The following MAPT variants were observed in gnomAD, a reference collection of about 807,000 sequenced individuals.
MAPT encodes microtubule associated protein tau.
In MAPT, 34 loss-of-function variants were observed where a neutral mutation model predicts 67.9. That is an observed-to-expected ratio of 0.50 (90% CI 0.38 to 0.67). MAPT has a LOEUF of 0.67. Ranked by LOEUF, MAPT falls within the 30% of genes least tolerant of loss-of-function variation. MAPT has a pLI of 0.00. For synonymous variants in MAPT, 456 were observed against 464.5 expected, an observed-to-expected ratio of 0.98 and a Z score of 0.23; for missense variants, 881 against 1,115.2, an observed-to-expected ratio of 0.79 and a Z score of 2.99.
chr17:45,948,360 T>G (rs975765571), intron 1 of MAPT, among the ~76,000 whole-genome samples: 1 of 152,210 alleles, frequency 6.6e-6, no homozygotes, highest in Non-Finnish European at 1.5e-5. Context: ...AGTAGAGGGA[T>G]TTCCGAGAGA....
intron 3 of MAPT, chr17:45,973,770 G>A (rs926589860): frequency 6.5e-6 from 1 of 153,108 alleles, no homozygotes; most frequent in Non-Finnish European, 1.5e-5. Flanking sequence ...CTGTGAAGGT[G>A]GACCCATCCA....
At position 45,921,170 on chromosome 17, in the gene MAPT, C is replaced by T. The variant is rs111559374; in HGVS notation, c.-18+26484C>T. ...AAGAATTGGGCCAAGAACACTTCTA[C>T]GCTTCTCCTTTTAGGTTTGGGTGTA... On this transcript the variant is annotated intron_variant, in intron 1 of 12. Transcript: ENST00000262410. 1.8e-3 allele frequency among the ~76,000 whole-genome samples: 267 copies of T among 152,292 alleles called. 3 individuals are homozygous for T. The highest frequency in any genetic ancestry group is 5.9e-3 in the African/African-American group (244 of 41,536).
intron 3 of MAPT, chr17:45,976,623 G>A (rs62063778): frequency 0.14 from 22,032 of 152,410 alleles, 2,143 homozygotes; most frequent in Non-Finnish European, 0.22. Context: ...GCAGGTTCCT[G>A]CCTTGCTGGA....
chr17:45,981,165 C>T (rs992361768), intron 4 of MAPT, among the ~76,000 whole-genome samples: 2 of 152,160 alleles, frequency 1.3e-5, no homozygotes, highest in Admixed American at 6.5e-5. Context: ...TCCATGACCA[C>T]ACCTTCCTCC....
At chr17:45,924,847 G>A (rs567339444) in intron 1 of MAPT, among the ~76,000 whole-genome samples, 112 of 151,682 alleles carry the variant, frequency 7.4e-4, no homozygotes, top group African/African-American at 2.5e-3. Flanking sequence ...GCTGTGTCCT[G>A]GCCATTGCTG....
chr17:45,908,168 A>C (rs528424602), intron 1 of MAPT: 1 of 152,422 alleles, frequency 6.6e-6, no homozygotes, highest in African/African-American at 2.4e-5. Context: ...CGGTGACGGC[A>C]GAACCAAATT....
rs760477956 is a variant in MAPT at position 46,025,603 on chromosome 17, C to G, written c.*1432C>G. On this transcript the variant is annotated 3_prime_UTR_variant, in exon 13 of 13. Transcript: ENST00000262410. The stretch of plus-strand genomic sequence containing the variant: ...GGTTCCCTGTCTCCTCCTCCCGTCA[C>G]AGATGTGAGCCAGGGCACTGCTCAG... The G allele has an allele frequency of 6.6e-6, 1 of 152,642 alleles. No individual in the cohort carries two copies. The highest frequency in any genetic ancestry group is 1.5e-5 in the Non-Finnish European group (1 of 68,112). 9.5% of individuals were successfully genotyped at this position (152,642 alleles called of 1,614,324 possible).
chr17:45,982,984 C>T lies in MAPT; in HGVS notation c.405C>T (p.Cys135=), dbSNP rs1014190632. ...CGEASGVSGP[C]LGEKEPEAPV... ...AGGCCTCTGGGGTCTCTGGGCCGTG[C>T]CTCGGGGAGAAAGAGCCAGAAGCTC... Residue 135 remains cysteine, a synonymous_variant, in exon 5 of 13, where the codon TGC becomes TGT. Coordinates refer to ENST00000262410, the MANE Select transcript of MAPT (RefSeq NM_001377265.1). 1.8e-5 allele frequency: 26 copies of T among 1,440,146 alleles called. No individual in the cohort carries two copies. The South Asian group carries it at 3.3e-4, about 18-fold the overall frequency. The allele number at this position is 1,440,146 out of a possible 1,614,324, so 89.2% of individuals were successfully genotyped here.
chr17:45,971,833 C>T lies in MAPT; in HGVS notation c.134-26C>T. On this transcript the variant is annotated intron_variant, in intron 2 of 12. Coordinates refer to ENST00000262410, the MANE Select transcript of MAPT (RefSeq NM_001377265.1). The surrounding 1 kb of genome is among the most constrained non-coding windows in gnomAD (Gnocchi z 4.3). The stretch of plus-strand genomic sequence containing the variant: ...GGGGCGCTGGGGAGAGGCCACCGTT[C>T]TGAGGGCTCACTGTATGTGTTCCAG... 6.5e-7 allele frequency: 1 copy of T among 1,549,732 alleles called. No homozygotes were observed. Among genetic ancestry groups the T allele is most frequent in the African/African-American group, 1.4e-5 (1 of 73,768 alleles).
At chr17:46,007,833 CTG>C (rs1271845165) in intron 9 of MAPT, among the ~76,000 whole-genome samples, 2 of 151,880 alleles carry the variant, frequency 1.3e-5, no homozygotes, top group South Asian at 2.1e-4. Context: ...TTCTAGGACT[CTG>C]TGTTATGAAA....
At chr17:45,947,133 A>C (rs570828442) in intron 1 of MAPT, among the ~76,000 whole-genome samples, 1 of 152,006 alleles carries the variant, frequency 6.6e-6, no homozygotes, top group East Asian at 1.9e-4. Flanking sequence ...GTGTGATGCA[A>C]TGTGACCAGA....
chr17:45,982,835 A>C (rs2073106666), intron 4 of MAPT, 31 bp from the exon 5 acceptor site: 1 of 1,213,826 alleles, frequency 8.2e-7, no homozygotes. Context: ...GCCCTTGCTA[A>C]CCTTTTGCTA....
At chr17:45,923,821 G>A (rs577557857) in intron 1 of MAPT, among the ~76,000 whole-genome samples, 7 of 152,310 alleles carry the variant, frequency 4.6e-5, no homozygotes, top group South Asian at 2.1e-4. Flanking sequence ...GGTTCAAAGC[G>A]CAGCTCTGCC....
In MAPT at chr17:45,982,360, C is replaced by A. The variant is rs1195529763; in HGVS notation, c.287-506C>A. ...GGGGTGGGGGGCGGGGGCAGGAGAA[C>A]AGTGAGAGGTAGGGAGAGGAAAGGG... On this transcript the variant is annotated intron_variant, in intron 4 of 12. Coordinates refer to ENST00000262410, the MANE Select transcript of MAPT (RefSeq NM_001377265.1). Among the ~76,000 whole-genome samples, 2 of 150,446 alleles carry A rather than the reference C, an allele frequency of 1.3e-5. 1 individual carries two copies. The highest frequency in any genetic ancestry group is 4.3e-4 in the South Asian group (2 of 4,698).
At chr17:46,002,022 G>T (rs545114250) in intron 9 of MAPT, among the ~76,000 whole-genome samples, 2 of 152,238 alleles carry the variant, frequency 1.3e-5, no homozygotes, top group Non-Finnish European at 2.9e-5. Flanking sequence ...ACACTGCAAC[G>T]TGGAGCTCTT....
chr17:45,987,195 G>T (rs2073638336), intron 6 of MAPT, 100 bp downstream of exon 6: 1 of 1,127,758 alleles, frequency 8.9e-7, no homozygotes, highest in Non-Finnish European at 1.3e-6. Flanking sequence ...GGGAGTATTT[G>T]TCACTAAAGT....
At chr17:45,910,693 T>C (rs1365623307) in intron 1 of MAPT, 1 of 136,610 alleles carries the variant, frequency 7.3e-6, no homozygotes, top group Non-Finnish European at 1.5e-5. Context: ...AAAACTAAGA[T>C]GTATTTGCAG....
chr17:45,988,206 C>G (rs995360218), intron 6 of MAPT, among the ~76,000 whole-genome samples: 6 of 152,180 alleles, frequency 3.9e-5, no homozygotes, highest in Admixed American at 2.6e-4. Context: ...CCTGGGTCCT[C>G]CTTACCAAGC....
chr17:45,895,092 G>GTGTGTGTGTGTGT (rs2063082905), intron 1 of MAPT: 3 of 139,738 alleles, frequency 2.1e-5, no homozygotes, highest in African/African-American at 8.9e-5. Flanking sequence ...TGTGTGTGTG[G>GTGTGTGTGTGTGT]AGGGGTCCGA....
Sources: allele counts gnomAD v4.1 joint callset (sites outside exome capture counted in the v4.1 genomes callset), GRCh38; gene constraint gnomAD v4.1.1; non-coding constraint Gnocchi (gnomAD v3.1); transcripts MANE v1.5; gene names NCBI Gene and HGNC (gene_info 2026-07-23, HGNC 2026-07-21).